SLC6A2: variants seen among roughly 807,000 people sequenced by gnomAD.
SLC6A2 encodes sodium-dependent noradrenaline transporter.
A neutral mutation model predicts 71.7 loss-of-function variants in SLC6A2; 26 were observed. That is an observed-to-expected ratio of 0.36 (90% CI 0.27 to 0.50). The LOEUF (loss-of-function observed/expected upper bound fraction) is 0.50. SLC6A2 is among the 20% of genes least tolerant of loss of function. The probability of loss-of-function intolerance (pLI) is 0.96; values close to 1 mark genes in which losing one functional copy is unlikely to be tolerated. For synonymous variants in SLC6A2, 363 were observed against 337.9 expected (o/e 1.07, Z -0.82); for missense variants, 581 against 803.9 (o/e 0.72, Z 3.35).
At chr16:55,677,356 G>C (rs1459700736) in intron 4 of SLC6A2, among the ~76,000 whole-genome samples, 2 of 152,154 alleles carry the variant, frequency 1.3e-5, no homozygotes, top group African/African-American at 4.8e-5. Flanking sequence ...GAAAAAGCAT[G>C]ATTTTTCTTT....
In SLC6A2 at chr16:55,692,185, C is replaced by T. The variant is rs1329478955; in HGVS notation, c.918+133C>T. On this transcript the variant is annotated intron_variant, in intron 6 of 14. Coordinates refer to ENST00000568943, the MANE Select transcript of SLC6A2 (RefSeq NM_001172501.3). ...AGCCTTGGACAGGATCCTTCCCTGT[C>T]TGAGGTGCAGCTTCCCCATCTGACC... The T allele has an allele frequency of 4.6e-5, 49 of 1,068,962 alleles. No individual in the cohort carries two copies. In the East Asian group the frequency reaches 1.1e-3, roughly 23 times the overall value. The allele number at this position is 1,068,962 out of a possible 1,614,324, so 66.2% of individuals were successfully genotyped here. A position where few individuals can be genotyped will look rare whatever the true frequency, so the allele number is the denominator to read the frequency against.
At chr16:55,683,423 C>T (rs1236423519) in intron 4 of SLC6A2, among the ~76,000 whole-genome samples, 2 of 152,126 alleles carry the variant, frequency 1.3e-5, no homozygotes, top group Non-Finnish European at 2.9e-5. Flanking sequence ...ACCAGCCTGG[C>T]GAACATGGTG....
chr16:55,662,410 A>G (rs1333242807), intron 2 of SLC6A2, among the ~76,000 whole-genome samples: 2 of 152,214 alleles, frequency 1.3e-5, no homozygotes, highest in African/African-American at 4.8e-5. Context: ...GAGCAAAAGA[A>G]AATCCTTGCC....
chr16:55,700,547 A>C (rs1324821699), intron 13 of SLC6A2, among the ~76,000 whole-genome samples: 4 of 152,186 alleles, frequency 2.6e-5, no homozygotes, highest in African/African-American at 9.7e-5. Flanking sequence ...TGTCTGGCGC[A>C]CAGGAGGTGT....
chr16:55,659,826 C>T (rs1964561918), intron 2 of SLC6A2, among the ~76,000 whole-genome samples: 1 of 152,160 alleles, frequency 6.6e-6, no homozygotes, highest in African/African-American at 2.4e-5. Flanking sequence ...TCCTGGGTTC[C>T]AGTTTCTAGC....
At chr16:55,671,501 G>A (rs978752245) in intron 3 of SLC6A2, among the ~76,000 whole-genome samples, 12 of 152,024 alleles carry the variant, frequency 7.9e-5, no homozygotes, top group South Asian at 4.1e-4. Context: ...GTTAGGAACC[G>A]GGCCACACAG....
intron 3 of SLC6A2, among the ~76,000 whole-genome samples, chr16:55,670,874 C>A (rs774151221): frequency 1.3e-5 from 2 of 152,172 alleles, no homozygotes; most frequent in Non-Finnish European, 2.9e-5. Context: ...GGAGTAGCCT[C>A]GCCAACACCT....
chr16:55,687,851 T>G (rs1049228093), intron 5 of SLC6A2, among the ~76,000 whole-genome samples: 7 of 152,158 alleles, frequency 4.6e-5, no homozygotes, highest in Non-Finnish European at 8.8e-5. Context: ...CAAAAGAGAC[T>G]GGGAGGAGTA....
intron 8 of SLC6A2, 53 bp downstream of exon 8, chr16:55,695,455 C>G (rs2142604394): frequency 6.2e-7 from 1 of 1,604,256 alleles, no homozygotes; most frequent in Non-Finnish European, 8.5e-7. Flanking sequence ...AGCTGAGAAG[C>G]CCACCTTATT....
chr16:55,680,169 C>T (rs993471908), intron 4 of SLC6A2, among the ~76,000 whole-genome samples: 1 of 152,142 alleles, frequency 6.6e-6, no homozygotes, highest in Admixed American at 6.5e-5. Context: ...TAGAACAGCA[C>T]TTTGGATGGA....
intron 4 of SLC6A2, among the ~76,000 whole-genome samples, chr16:55,684,041 T>C (rs1228018132): frequency 2.6e-5 from 4 of 152,174 alleles, no homozygotes; most frequent in Admixed American, 2.6e-4. Flanking sequence ...CTCACACCTA[T>C]AATCTCAGCA....
At chr16:55,690,021 C>T (rs1357098728) in intron 5 of SLC6A2, among the ~76,000 whole-genome samples, 2 of 152,184 alleles carry the variant, frequency 1.3e-5, no homozygotes, top group Non-Finnish European at 2.9e-5. Flanking sequence ...TAGTCGTCCA[C>T]TAACTTTCCG....
In SLC6A2 at chr16:55,694,025, G is replaced by A. The variant is rs776659407; in HGVS notation, c.934G>A (p.Ala312Thr). 4 of 1,612,558 alleles carry A rather than the reference G, an allele frequency of 2.5e-6. No individual in the cohort carries two copies. The highest frequency in any genetic ancestry group is 1.1e-5 in the South Asian group (1 of 91,044). The change falls in exon 7 of 15, where the codon GCA becomes ACA. Residue 312 changes from alanine (A) to threonine (T), a missense_variant. Around this residue, in one of 5 missense-constraint regions of SLC6A2, gnomAD observed 334 missense variants for 449.0 expected, o/e 0.74. Transcript: ENST00000568943. ...LKEATVWIDAATQIFFSLGAG... is the reference protein window; with the variant it reads ...LKEATVWIDATTQIFFSLGAG... ...CTGGTTTCAGGTATGGATTGATGCCGCAACTCAGATATTTTTTTCCTTGGG... is the reference window on the plus strand; with the variant it reads ...CTGGTTTCAGGTATGGATTGATGCCACAACTCAGATATTTTTTTCCTTGGG...
intron 2 of SLC6A2, among the ~76,000 whole-genome samples, chr16:55,664,978 C>T (rs144558985): frequency 6.6e-6 from 1 of 152,198 alleles, no homozygotes; most frequent in Non-Finnish European, 1.5e-5. Flanking sequence ...TCTACATGAA[C>T]ATCTTGCTGG....
intron 14 of SLC6A2, 122 bp downstream of exon 14, chr16:55,702,056 CT>C: frequency 1.2e-6 from 1 of 849,650 alleles, no homozygotes; most frequent in Admixed American, 1.9e-5. Flanking sequence ...TGTGAGCTGC[CT>C]TTTCCCCTTG....
intron 2 of SLC6A2, among the ~76,000 whole-genome samples, chr16:55,665,587 C>G (rs1964727120): frequency 6.6e-6 from 1 of 152,162 alleles, no homozygotes. Flanking sequence ...GAGCCTCTCT[C>G]CTTCCTGAAG....
At chr16:55,698,165 AC>A in intron 10 of SLC6A2, 140 bp downstream of exon 10, 1 of 937,180 alleles carries the variant, frequency 1.1e-6, no homozygotes, top group Non-Finnish European at 1.7e-6. Context: ...CAGCGGCCTG[AC>A]CCACTAGGGT....
rs1965907124 is a variant in SLC6A2, at chr16:55,699,602, C to T, written c.1538C>T (p.Pro513Leu). The T allele has an allele frequency of 3.7e-6, 6 of 1,614,002 alleles. No homozygotes were observed. Among genetic ancestry groups the T allele is most frequent in the East Asian group, 2.2e-5 (1 of 44,872 alleles). The change falls in exon 12 of 15, where the codon CCG becomes CTG. Residue 513 changes from proline (P) to leucine (L), a missense_variant. Physicochemically the swap from Pro to Leu is moderately conservative, Grantham distance 98. Transcript: ENST00000568943. Reference protein sequence around the residue: ...NDIQQMMGFRPGLYWRLCWKF... With the variant: ...NDIQQMMGFRLGLYWRLCWKF... ...ATCCAGCAGATGATGGGGTTCAGGC[C>T]GGGTCTATACTGGAGACTGTGCTGG... is the stretch of plus-strand genomic sequence containing the variant.
At chr16:55,679,054 G>A (rs1161061486) in intron 4 of SLC6A2, among the ~76,000 whole-genome samples, 2 of 152,142 alleles carry the variant, frequency 1.3e-5, no homozygotes, top group Non-Finnish European at 2.9e-5. Context: ...AGGCATTTTG[G>A]CAAGTTTCAG....
Sources: allele counts gnomAD v4.1 joint callset (sites outside exome capture counted in the v4.1 genomes callset), GRCh38; gene constraint gnomAD v4.1.1; regional missense constraint gnomAD v4.1.1; transcripts MANE v1.5; gene names NCBI Gene and HGNC (gene_info 2026-07-23, HGNC 2026-07-21).